Variants in STXBP5L observed in about 807,000 individuals in gnomAD.
The protein encoded by STXBP5L is syntaxin binding protein 5L, also known as syntaxin-binding protein 5-like.
A neutral mutation model predicts 144.5 loss-of-function variants in STXBP5L; 65 were observed. The observed-to-expected ratio is 0.45, with a 90% CI of 0.37 to 0.55. The LOEUF is 0.55. STXBP5L is among the 20% of genes least tolerant of loss of function. The pLI, the probability that STXBP5L is intolerant of heterozygous loss-of-function variation, is 0.00. For missense variants in STXBP5L, 1,298 were observed against 1,405.5 expected, an observed-to-expected ratio of 0.92 and a Z score of 1.22; for synonymous variants, 505 against 469.6, an observed-to-expected ratio of 1.08 and a Z score of -0.97.
chr3:121,006,178 T>G (rs1944283574), intron 3 of STXBP5L, among the ~76,000 whole-genome samples: 1 of 152,184 alleles, frequency 6.6e-6, no homozygotes, highest in African/African-American at 2.4e-5. Flanking sequence ...TATTTTTGTG[T>G]GGGAGTCTAA....
intron 3 of STXBP5L, among the ~76,000 whole-genome samples, chr3:121,010,820 A>G (rs1944719248): frequency 1.3e-5 from 2 of 151,990 alleles, no homozygotes; most frequent in East Asian, 1.9e-4. Context: ...GTAGATTGTC[A>G]TAAGGGTCTT....
At position 121,223,053 on chromosome 3, in the gene STXBP5L, G is replaced by C; in HGVS notation, c.1007G>C (p.Arg336Thr). The C allele has an allele frequency of 6.2e-7, 1 of 1,612,926 alleles. No homozygotes were observed. Among genetic ancestry groups the C allele is most frequent in the Non-Finnish European group, 8.5e-7 (1 of 1,179,512 alleles). ...SGGLSYDKAC[R>T]RPSLTIMHGK... ...GGGCTGTCCTATGACAAAGCTTGTA[G>C]AAGACCAAGTTTAACCATCATGCAT... is the stretch of plus-strand genomic sequence containing the variant. Residue 336 changes from arginine (R) to threonine (T), a missense_variant, in exon 11 of 27, where the codon AGA (arginine) becomes ACA (threonine). Coordinates refer to ENST00000471454, the MANE Select transcript of STXBP5L (RefSeq NM_001308330.2).
intron 5 of STXBP5L, among the ~76,000 whole-genome samples, chr3:121,093,824 T>C (rs1055036537): frequency 1.2e-4 from 18 of 152,208 alleles, no homozygotes; most frequent in African/African-American, 3.9e-4. Context: ...CTTTTGAATG[T>C]GTTTGCTCTT....
intron 10 of STXBP5L, among the ~76,000 whole-genome samples, chr3:121,217,579 T>A (rs1004837937): frequency 6.6e-6 from 1 of 152,114 alleles, no homozygotes; most frequent in African/African-American, 2.4e-5. Flanking sequence ...ATCACTTCCT[T>A]CTGTGTTGAT....
At chr3:120,954,804 C>G (rs1050772029) in intron 2 of STXBP5L, 136 bp from the exon 3 acceptor site, 1 of 569,364 alleles carries the variant, frequency 1.8e-6, no homozygotes, top group African/African-American at 1.9e-5. Flanking sequence ...TACTCCATCT[C>G]TGTGTTAATG....
chr3:121,212,610 AC>A (rs149867687), intron 10 of STXBP5L, among the ~76,000 whole-genome samples: 21,958 of 152,108 alleles, frequency 0.14, 1,753 homozygotes, highest in Non-Finnish European at 0.19. Context: ...TGTTTTCGTT[AC>A]TATAGCCTTG....
At chr3:121,027,741 C>T (rs978466830) in intron 3 of STXBP5L, among the ~76,000 whole-genome samples, 1 of 152,026 alleles carries the variant, frequency 6.6e-6, no homozygotes, top group Non-Finnish European at 1.5e-5. Flanking sequence ...CAAACAGTGA[C>T]CTTCATTCCA....
intron 20 of STXBP5L, among the ~76,000 whole-genome samples, chr3:121,363,419 C>G (rs907506292): frequency 6.6e-6 from 1 of 152,154 alleles, no homozygotes; most frequent in Non-Finnish European, 1.5e-5. Flanking sequence ...TCCACATACT[C>G]AAGTTCAGAC....
chr3:121,041,554 A>G (rs1947155014), intron 3 of STXBP5L, 146 bp from the exon 4 acceptor site: 2 of 581,532 alleles, frequency 3.4e-6, no homozygotes, highest in Non-Finnish European at 3.1e-6. Flanking sequence ...TTTAATTTAC[A>G]TCTACTAAGA....
Position 121,071,310 on chromosome 3 carries a change from A to C in STXBP5L, c.470+25775A>C, listed in dbSNP as rs75470128. ...TTTAACCCGCATTTAGTTATCTATC[A>C]TTGACTTCCTTAGGCTTTGGCCATG... is the stretch of plus-strand genomic sequence containing the variant. On this transcript the variant is annotated intron_variant, in intron 5 of 26. Transcript: ENST00000471454. 1.3e-3 allele frequency among the ~76,000 whole-genome samples: 193 copies of C among 152,348 alleles called. 1 individual carries two copies. The highest frequency in any genetic ancestry group is 4.3e-3 in the African/African-American group (180 of 41,582).
intron 19 of STXBP5L, among the ~76,000 whole-genome samples, chr3:121,287,698 G>A (rs556242533): frequency 3.3e-5 from 5 of 152,088 alleles, no homozygotes; most frequent in South Asian, 2.1e-4. Flanking sequence ...GCGTGGTGGC[G>A]GGCTCCTGTA....
intron 20 of STXBP5L, among the ~76,000 whole-genome samples, chr3:121,342,094 G>A (rs2044735416): frequency 6.6e-6 from 1 of 151,756 alleles, no homozygotes; most frequent in African/African-American, 2.4e-5. Context: ...TATATGTCAT[G>A]TACCCCATAA....
At chr3:121,111,598 T>C (rs1254917233) in intron 5 of STXBP5L, among the ~76,000 whole-genome samples, 1 of 152,162 alleles carries the variant, frequency 6.6e-6, no homozygotes, top group Non-Finnish European at 1.5e-5. Context: ...CCTGCTACTT[T>C]CTCTGGGAGC....
chr3:121,053,901 A>T (rs995728568), intron 5 of STXBP5L, among the ~76,000 whole-genome samples: 1 of 152,034 alleles, frequency 6.6e-6, no homozygotes, highest in African/African-American at 2.4e-5. Context: ...AGAAAAAAAA[A>T]CAAACAACCC....
chr3:121,066,403 A>T (rs912547582), intron 5 of STXBP5L, among the ~76,000 whole-genome samples: 1 of 150,706 alleles, frequency 6.6e-6, no homozygotes, highest in Non-Finnish European at 1.5e-5. Context: ...ATATATATAT[A>T]TTTTAAATCA....
At chr3:121,031,115 G>A (rs1197030021) in intron 3 of STXBP5L, among the ~76,000 whole-genome samples, 1 of 152,072 alleles carries the variant, frequency 6.6e-6, no homozygotes, top group Non-Finnish European at 1.5e-5. Flanking sequence ...AGCAGTTCGT[G>A]AAACACCCCA....
At chr3:120,998,769 T>C (rs1200606964) in intron 3 of STXBP5L, among the ~76,000 whole-genome samples, 1 of 152,086 alleles carries the variant, frequency 6.6e-6, no homozygotes, top group African/African-American at 2.4e-5. Flanking sequence ...CTCTTCACAA[T>C]AGCCACAAAA....
At chr3:121,143,632 A>G (rs559892992) in intron 7 of STXBP5L, among the ~76,000 whole-genome samples, 12 of 151,936 alleles carry the variant, frequency 7.9e-5, no homozygotes, top group Non-Finnish European at 1.5e-4. Context: ...AACAGAATAG[A>G]GAGCCCAGAA....
At chr3:121,303,408 G>A (rs1395244444) in intron 19 of STXBP5L, among the ~76,000 whole-genome samples, 4 of 152,148 alleles carry the variant, frequency 2.6e-5, no homozygotes, top group African/African-American at 9.7e-5. Context: ...GGAGAAATAG[G>A]AATACTTTTA....
Sources: gnomAD v4.1 joint callset for allele counts (sites outside exome capture counted in the v4.1 genomes callset) on GRCh38, gnomAD v4.1.1 for gene constraint, MANE v1.5 for transcripts, NCBI Gene and HGNC (gene_info 2026-07-23, HGNC 2026-07-21) for gene names.